Variants in NRG3 observed in about 807,000 individuals in gnomAD.
NRG3 encodes the protein neuregulin 3, also known as pro-neuregulin-3, membrane-bound isoform.
A neutral mutation model predicts 66.9 loss-of-function variants in NRG3; 31 were observed. The observed-to-expected ratio is 0.46, with a 90% CI of 0.35 to 0.63. The LOEUF (loss-of-function observed/expected upper bound fraction) is 0.63, where lower values mean the gene tolerates loss of function less well. Ranked by LOEUF, NRG3 falls within the 20% of genes least tolerant of loss-of-function variation. The pLI is 0.00. For synonymous variants in NRG3, 393 were observed against 359.4 expected (o/e 1.09, Z -1.06); for missense variants, 910 against 878.9 (o/e 1.04, Z -0.45).
chr10:82,554,993 C>T (rs1190822887), intron 2 of NRG3, among the ~76,000 whole-genome samples: 1 of 152,126 alleles, frequency 6.6e-6, no homozygotes, highest in Admixed American at 6.6e-5. Context: ...AAATGTTTTG[C>T]CTTCCTCCAC....
intron 2 of NRG3, among the ~76,000 whole-genome samples, chr10:82,359,898 C>T (rs1205018086): frequency 6.6e-6 from 1 of 152,098 alleles, no homozygotes; most frequent in Non-Finnish European, 1.5e-5. Flanking sequence ...ACATGCCATG[C>T]CAGCAGAAGC....
intron 2 of NRG3, among the ~76,000 whole-genome samples, chr10:82,656,942 T>TCCTCCCC (rs1191853438): frequency 2.0e-5 from 3 of 152,168 alleles, no homozygotes; most frequent in African/African-American, 7.2e-5. Context: ...CTCTCGTCTC[T>TCCTCCCC]GGCTCTCCTC....
At chr10:82,742,602 G>A (rs2058471242) in intron 3 of NRG3, among the ~76,000 whole-genome samples, 1 of 152,100 alleles carries the variant, frequency 6.6e-6, no homozygotes, top group Non-Finnish European at 1.5e-5. Flanking sequence ...CAGAAAGAAT[G>A]TAGTGAGTGA....
chr10:82,625,686 A>C (rs545619082), intron 2 of NRG3, among the ~76,000 whole-genome samples: 301 of 152,262 alleles, frequency 2.0e-3, no homozygotes, highest in African/African-American at 5.9e-3. Flanking sequence ...CCACTGACCC[A>C]AACATTTCTC....
intron 1 of NRG3, among the ~76,000 whole-genome samples, chr10:81,936,254 C>T (rs912743126): frequency 1.2e-4 from 18 of 152,004 alleles, no homozygotes; most frequent in East Asian, 7.7e-4. Flanking sequence ...GAATTTCACT[C>T]GGAGTAACTT....
intron 1 of NRG3, among the ~76,000 whole-genome samples, chr10:81,899,106 G>C (rs754441498): frequency 2.0e-5 from 3 of 152,252 alleles, no homozygotes; most frequent in Admixed American, 6.5e-5. Flanking sequence ...GATTAATAAG[G>C]TCTTAATTTT....
intron 1 of NRG3, among the ~76,000 whole-genome samples, chr10:82,338,600 A>C (rs1348591270): frequency 1.3e-5 from 2 of 152,194 alleles, no homozygotes; most frequent in African/African-American, 4.8e-5. Context: ...TAAATAAATG[A>C]CTTTAATTGG....
intron 1 of NRG3, among the ~76,000 whole-genome samples, chr10:82,002,964 C>A (rs1455521002): frequency 6.6e-6 from 1 of 152,126 alleles, no homozygotes; most frequent in Admixed American, 6.5e-5. Flanking sequence ...AAAGATCACT[C>A]TGATTGCTTT....
At chr10:82,556,440 C>G (rs565341807) in intron 2 of NRG3, among the ~76,000 whole-genome samples, 1 of 152,220 alleles carries the variant, frequency 6.6e-6, no homozygotes, top group South Asian at 2.1e-4. Flanking sequence ...TCATCTCTCT[C>G]AGAGACTGCT....
chr10:81,925,085 A>T (rs1846638866), intron 1 of NRG3, among the ~76,000 whole-genome samples: 1 of 152,158 alleles, frequency 6.6e-6, no homozygotes, highest in Non-Finnish European at 1.5e-5. Flanking sequence ...GTTGTGCTTC[A>T]GGTCTCAAAG....
At chr10:82,532,015 A>G (rs1318113397) in intron 2 of NRG3, among the ~76,000 whole-genome samples, 1 of 151,836 alleles carries the variant, frequency 6.6e-6, no homozygotes, top group East Asian at 1.9e-4. Context: ...TTTTATGAAT[A>G]TATAACATTT....
intron 1 of NRG3, among the ~76,000 whole-genome samples, chr10:82,083,657 C>T (rs1474602013): frequency 4.7e-5 from 7 of 148,208 alleles, no homozygotes; most frequent in Non-Finnish European, 7.4e-5. Context: ...TCCAATGGTG[C>T]GATCTCGGCC....
intron 2 of NRG3, among the ~76,000 whole-genome samples, chr10:82,528,946 C>T (rs560066016): frequency 5.3e-4 from 81 of 152,070 alleles, no homozygotes; most frequent in Non-Finnish European, 9.7e-4. Context: ...TCTAGTTTAG[C>T]ACTTGTTCTA....
chr10:82,708,911 G>T (rs751570917), intron 2 of NRG3, among the ~76,000 whole-genome samples: 18 of 151,606 alleles, frequency 1.2e-4, no homozygotes, highest in Non-Finnish European at 2.5e-4. Context: ...ACTTTTCTTG[G>T]TGCTCATATA....
chr10:82,467,681 G>T (rs375213674), intron 2 of NRG3, among the ~76,000 whole-genome samples: 1 of 152,174 alleles, frequency 6.6e-6, no homozygotes, highest in Non-Finnish European at 1.5e-5. Context: ...GACTTGTGAC[G>T]ATGGATGTCC....
intron 1 of NRG3, among the ~76,000 whole-genome samples, chr10:82,191,907 C>T (rs1254790767): frequency 6.6e-6 from 1 of 152,172 alleles, no homozygotes; most frequent in Non-Finnish European, 1.5e-5. Flanking sequence ...CTAGCTGCCT[C>T]TGGCCCTGCG....
intron 8 of NRG3, among the ~76,000 whole-genome samples, chr10:82,981,506 G>A (rs369077861): frequency 1.5e-4 from 23 of 152,248 alleles, no homozygotes; most frequent in Admixed American, 3.3e-4. Flanking sequence ...GCTAAAGGCC[G>A]TCTTTAAATC....
At chr10:81,961,501 GAACTAA>G (rs1850361803) in intron 1 of NRG3, among the ~76,000 whole-genome samples, 1 of 93,730 alleles carries the variant, frequency 1.1e-5, no homozygotes, top group Non-Finnish European at 2.3e-5. Flanking sequence ...ATGAACTAAT[GAACTAA>G]TACTACTTTG....
At chr10:82,281,359 C>A (rs73306628) in intron 1 of NRG3, among the ~76,000 whole-genome samples, 4 of 152,078 alleles carry the variant, frequency 2.6e-5, no homozygotes, top group Non-Finnish European at 5.9e-5. Context: ...TAGGAACTTA[C>A]TAGAACAACA....
Sources: gnomAD v4.1 joint callset for allele counts (sites outside exome capture counted in the v4.1 genomes callset) on GRCh38, gnomAD v4.1.1 for gene constraint, MANE v1.5 for transcripts, NCBI Gene and HGNC (gene_info 2026-07-23, HGNC 2026-07-21) for gene names.